The following BDKRB2 variants were observed in gnomAD, a reference collection of about 807,000 sequenced individuals.
The protein encoded by BDKRB2 is B2 bradykinin receptor.
A neutral mutation model predicts 4.0 loss-of-function variants in BDKRB2; 6 were observed. The observed-to-expected ratio is 1.49, with a 90% CI of 0.81 to 2.93. BDKRB2 has a LOEUF of 2.93. Ranked by LOEUF, BDKRB2 falls within the 30% of genes most tolerant of loss-of-function variation. The probability of loss-of-function intolerance (pLI) is 0.00; values close to 1 mark genes in which losing one functional copy is unlikely to be tolerated. For missense variants in BDKRB2, 478 were observed against 520.1 expected, an observed-to-expected ratio of 0.92 and a Z score of 0.79; for synonymous variants, 225 against 215.3, an observed-to-expected ratio of 1.05 and a Z score of -0.40.
At chr14:96,222,513 A>G (rs949536451) in intron 1 of BDKRB2, among the ~76,000 whole-genome samples, 1 of 152,034 alleles carries the variant, frequency 6.6e-6, no homozygotes, top group Non-Finnish European at 1.5e-5. Flanking sequence ...AGATGTGCCT[A>G]TCATCTAGAA....
chr14:96,209,658 G>A lies in BDKRB2; in HGVS notation c.-40+4699G>A, dbSNP rs572970022. Among the ~76,000 whole-genome samples the A allele has an allele frequency of 5.8e-4, 89 of 152,284 alleles. 3 individuals carry two copies. The highest frequency in any genetic ancestry group is 1.8e-3 in the African/African-American group (75 of 41,554). On this transcript the variant is annotated intron_variant, in intron 1 of 2. Transcript: ENST00000554311. ...AGCAGGTGGAGGAATCATCAATTCC[G>A]CATTCACCTGGTGCTCAGTCAATCT...
intron 1 of BDKRB2, among the ~76,000 whole-genome samples, chr14:96,234,295 T>C (rs1429645746): frequency 6.6e-6 from 1 of 152,104 alleles, no homozygotes; most frequent in East Asian, 1.9e-4. Flanking sequence ...CCCTACCTCC[T>C]TCCCCCCTCG....
rs1890949425 is a variant in BDKRB2 at position 96,236,981 on chromosome 14, T to C, written c.-39-88T>C. ...GTCCATTGAGTCAGGGACTCAGCAG[T>C]CTCCATTTCTCCTCCCTGCTGGAGA... is the stretch of plus-strand genomic sequence containing the variant. On this transcript the variant is annotated intron_variant, in intron 1 of 2. Transcript: ENST00000554311. 3.8e-6 allele frequency: 3 copies of C among 790,774 alleles called. No individual in the cohort carries two copies. In the Admixed American group the frequency reaches 5.4e-5, roughly 14 times the overall value. 49.0% of individuals were successfully genotyped at this position (790,774 alleles called of 1,614,324 possible).
chr14:96,229,786 C>T (rs1890775557), intron 1 of BDKRB2, among the ~76,000 whole-genome samples: 1 of 152,016 alleles, frequency 6.6e-6, no homozygotes, highest in Admixed American at 6.6e-5. Flanking sequence ...TCAGGGAGTA[C>T]AGCAACGTGG....
Position 96,227,944 on chromosome 14 carries a change from C to A in BDKRB2, c.-39-9125C>A, listed in dbSNP as rs141073286. On this transcript the variant is annotated intron_variant, in intron 1 of 2. Coordinates refer to ENST00000554311, the MANE Select transcript of BDKRB2 (RefSeq NM_001379692.1). ...CTATGCTGCTGACTTTCCAGCAGCC[C>A]CCGACTCCTGTGGCCAGCTGAGCCC... 3.3e-3 allele frequency among the ~76,000 whole-genome samples: 507 copies of A among 152,336 alleles called. 4 individuals are homozygous for A. The highest frequency in any genetic ancestry group is 0.011 in the African/African-American group (468 of 41,574).
intron 1 of BDKRB2, among the ~76,000 whole-genome samples, chr14:96,231,430 C>A (rs934895005): frequency 2.0e-5 from 3 of 152,148 alleles, no homozygotes; most frequent in Admixed American, 6.5e-5. Flanking sequence ...CTCTTGGAAA[C>A]CCTGCTGAGG....
intron 1 of BDKRB2, among the ~76,000 whole-genome samples, chr14:96,213,662 G>C (rs997711258): frequency 6.6e-6 from 1 of 152,202 alleles, no homozygotes; most frequent in Non-Finnish European, 1.5e-5. Context: ...GTAAAGTAGA[G>C]GGTCTCCCTA....
intron 2 of BDKRB2, chr14:96,239,532 A>G (rs974375824): frequency 1.0e-6 from 1 of 985,426 alleles, no homozygotes; most frequent in Non-Finnish European, 1.2e-6. Flanking sequence ...GGTCACCAAC[A>G]AACGGTGGTG....
intron 2 of BDKRB2, chr14:96,238,158 T>A (rs991049497): frequency 2.0e-5 from 19 of 933,214 alleles, no homozygotes; most frequent in Non-Finnish European, 2.3e-5. Context: ...GTTGGAAGAT[T>A]CAAAGGCTAG....
intron 1 of BDKRB2, among the ~76,000 whole-genome samples, chr14:96,230,338 G>A (rs944732567): frequency 4.6e-5 from 7 of 152,218 alleles, no homozygotes; most frequent in Non-Finnish European, 8.8e-5. Context: ...TGTGCCCAGG[G>A]ATGGAACTCT....
At position 96,243,546 on chromosome 14, in the gene BDKRB2, G is replaced by A. The variant is rs200529240; in HGVS notation, c.*2042G>A. Reference sequence around the variant, plus strand: ...AACATGGAGAGCTAGAACCCGGCAGGCTAGAACCTGGCAAGCTAGAACCTG... The same window carrying A: ...AACATGGAGAGCTAGAACCCGGCAGACTAGAACCTGGCAAGCTAGAACCTG... On this transcript the variant is annotated 3_prime_UTR_variant, in exon 3 of 3. Transcript: ENST00000554311. 1 of 152,132 alleles carries A rather than the reference G, an allele frequency of 6.6e-6. No homozygotes were observed. Among genetic ancestry groups the A allele is most frequent in the Non-Finnish European group, 1.5e-5 (1 of 68,278 alleles). 9.4% of individuals were successfully genotyped at this position (152,132 alleles called of 1,614,324 possible).
In BDKRB2 at chr14:96,239,191, G is replaced by A. The variant is rs188938703; in HGVS notation, c.75-1212G>A. On this transcript the variant is annotated intron_variant, in intron 2 of 2. Coordinates refer to ENST00000554311, the MANE Select transcript of BDKRB2 (RefSeq NM_001379692.1). The stretch of plus-strand genomic sequence containing the variant: ...ACAGGGCACTGGGAAAATGCCCAAT[G>A]AGTCCTGCCCTCTGGGTTGTGCTTT... 72 of 985,352 alleles carry A rather than the reference G, an allele frequency of 7.3e-5. No homozygotes were observed. The African/African-American group carries it at 1.1e-3, about 15-fold the overall frequency. 61.0% of individuals were successfully genotyped at this position (985,352 alleles called of 1,614,324 possible). A position where few individuals can be genotyped will look rare whatever the true frequency, so the allele number is the denominator to read the frequency against.
chr14:96,241,789 G>A lies in BDKRB2; in HGVS notation c.*285G>A. The A allele has an allele frequency of 3.3e-6, 1 of 302,476 alleles. No homozygotes were observed. The highest frequency in any genetic ancestry group is 6.0e-6 in the Non-Finnish European group (1 of 167,892). 18.7% of individuals were successfully genotyped at this position (302,476 alleles called of 1,614,324 possible). ...AGCCAGCCTGCTCCTTCCCAGGAGT[G>A]GAGGAGGCCTGGGGGCAGGGAGAGG... On this transcript the variant is annotated 3_prime_UTR_variant, in exon 3 of 3. Coordinates refer to ENST00000554311, the MANE Select transcript of BDKRB2 (RefSeq NM_001379692.1).
rs1462533464 is a variant in BDKRB2 at position 96,216,714 on chromosome 14, A to AGG, written c.-40+11755_-40+11756insGG. ...GGAGGAAGGAGGAGGAAGGAGGAGG[A>AGG]AGAGGAAGGAGGAGGAGGAAGGAGG... On this transcript the variant is annotated intron_variant, in intron 1 of 2. Transcript: ENST00000554311. Among the ~76,000 whole-genome samples the AGG allele has an allele frequency of 2.8e-4, 18 of 65,128 alleles. 4 individuals carry two copies. Among genetic ancestry groups the AGG allele is most frequent in the Non-Finnish European group, 4.6e-4 (12 of 26,206 alleles). 42.7% of individuals were successfully genotyped at this position (65,128 alleles called of 152,430 possible). A position where few individuals can be genotyped will look rare whatever the true frequency, so the allele number is the denominator to read the frequency against.
Position 96,243,950 on chromosome 14 carries a change from A to C in BDKRB2, c.*2446A>C. On this transcript the variant is annotated 3_prime_UTR_variant, in exon 3 of 3. Transcript: ENST00000554311. Reference sequence around the variant, plus strand: ...GGAGCAGAGCTCTGCCGCAATGGCCATGTGGGGATCCACACCTGGTCTGAG... The same window carrying C: ...GGAGCAGAGCTCTGCCGCAATGGCCCTGTGGGGATCCACACCTGGTCTGAG... The C allele has an allele frequency of 2.6e-6, 1 of 377,974 alleles. No homozygotes were observed. Among genetic ancestry groups the C allele is most frequent in the Non-Finnish European group, 4.7e-6 (1 of 213,738 alleles). The allele number at this position is 377,974 out of a possible 1,614,324, so 23.4% of individuals were successfully genotyped here.
intron 1 of BDKRB2, among the ~76,000 whole-genome samples, chr14:96,235,975 A>G (rs1237596217): frequency 1.3e-5 from 2 of 152,066 alleles, no homozygotes; most frequent in Middle Eastern, 3.2e-3. Context: ...TGGGACTGAG[A>G]CAAGTCACCC....
chr14:96,239,508 T>G (rs1257572172), intron 2 of BDKRB2: 1 of 985,252 alleles, frequency 1.0e-6, no homozygotes, highest in African/African-American at 1.7e-5. Flanking sequence ...GAGGAGCCAG[T>G]GGGTTAAAGA....
Position 96,241,752 on chromosome 14 carries a change from C to A in BDKRB2, c.*248C>A. On this transcript the variant is annotated 3_prime_UTR_variant, in exon 3 of 3. Coordinates refer to ENST00000554311, the MANE Select transcript of BDKRB2 (RefSeq NM_001379692.1). ...ACAACAGCATTACTGTTCTTATTTGCTGCCACACCTGAGCCAGCCTGCTCC... is the reference window on the plus strand; with the variant it reads ...ACAACAGCATTACTGTTCTTATTTGATGCCACACCTGAGCCAGCCTGCTCC... 1 of 443,430 alleles carries A rather than the reference C, an allele frequency of 2.3e-6. No homozygotes were observed. The highest frequency in any genetic ancestry group is 3.6e-6 in the Non-Finnish European group (1 of 276,478). The allele number at this position is 443,430 out of a possible 1,614,324, so 27.5% of individuals were successfully genotyped here.
chr14:96,215,753 G>A (rs572942645), intron 1 of BDKRB2, among the ~76,000 whole-genome samples: 37 of 152,234 alleles, frequency 2.4e-4, no homozygotes, highest in African/African-American at 7.5e-4. Flanking sequence ...CAGAGGAGCT[G>A]GCATCTCATC....
Sources: gnomAD v4.1 joint callset for allele counts (sites outside exome capture counted in the v4.1 genomes callset) on GRCh38, gnomAD v4.1.1 for gene constraint, MANE v1.5 for transcripts, NCBI Gene and HGNC (gene_info 2026-07-23, HGNC 2026-07-21) for gene names.